The following KANK1 variants were observed in gnomAD, a reference collection of about 807,000 sequenced individuals.
KANK1 encodes KN motif and ankyrin repeat domain-containing protein 1.
KANK1 carries 109 observed loss-of-function variants against 106.2 expected under a neutral mutation model. The ratio of observed to expected loss-of-function variants is 1.03; its 90% CI spans 0.88 to 1.20. The LOEUF is 1.20. KANK1 is among the 50% of genes most tolerant of loss of function. The pLI is 0.00. For synonymous variants in KANK1, 873 were observed against 652.2 expected (o/e 1.34, Z -5.16); for missense variants, 2,399 against 1,710.7 (o/e 1.40, Z -7.10).
In KANK1 at chr9:686,751, C is replaced by G. The variant is rs73642804; in HGVS notation, c.37+9742C>G. Reference sequence around the variant, plus strand: ...AATGATTGTTACCTATGAGCCTATCCGGTAAGGGATCTGAGTGGGCCCAAG... The same window carrying G: ...AATGATTGTTACCTATGAGCCTATCGGGTAAGGGATCTGAGTGGGCCCAAG... On this transcript the variant is annotated intron_variant, in intron 2 of 11. Transcript: ENST00000382297. 2.2e-3 allele frequency: 2,122 copies of G among 985,194 alleles called. 29 individuals carry two copies. The African/African-American group carries it at 0.032, about 15-fold the overall frequency. 61.0% of individuals were successfully genotyped at this position (985,194 alleles called of 1,614,324 possible). A position where few individuals can be genotyped will look rare whatever the true frequency, so the allele number is the denominator to read the frequency against.
At chr9:594,588 A>G (rs982972121) in intron 1 of KANK1, among the ~76,000 whole-genome samples, 5 of 151,900 alleles carry the variant, frequency 3.3e-5, no homozygotes, top group South Asian at 4.1e-4. Context: ...TAAATAGTTA[A>G]TAAGTGTGAG....
At chr9:693,785 G>C in intron 2 of KANK1, 1 of 985,358 alleles carries the variant, frequency 1.0e-6, no homozygotes, top group Non-Finnish European at 1.2e-6. Context: ...GTTTCTGGGT[G>C]GGTAAGTAAG....
At chr9:687,119 T>C (rs1322448444) in intron 2 of KANK1, among the ~76,000 whole-genome samples, 1 of 152,154 alleles carries the variant, frequency 6.6e-6, no homozygotes, top group Non-Finnish European at 1.5e-5. Flanking sequence ...ATAGAAATAC[T>C]TCAATTCAGT....
intron 3 of KANK1, among the ~76,000 whole-genome samples, chr9:499,171 CTG>C (rs764926176): frequency 7.4e-5 from 11 of 148,390 alleles, no homozygotes; most frequent in African/African-American, 2.5e-4. Context: ...GAGCAAGACT[CTG>C]TCTCAAAAAA....
intron 3 of KANK1, among the ~76,000 whole-genome samples, chr9:722,395 T>C (rs1829579654): frequency 6.6e-6 from 1 of 152,218 alleles, no homozygotes; most frequent in African/African-American, 2.4e-5. Context: ...CAGATCATTG[T>C]ATCTACATTT....
chr9:530,659 T>G (rs1302958351), intron 1 of KANK1, among the ~76,000 whole-genome samples: 1 of 152,344 alleles, frequency 6.6e-6, no homozygotes, highest in Admixed American at 6.5e-5. Context: ...TATTTTATTG[T>G]TGATGTTAAT....
At chr9:487,227 GGTGTGAAA>G (rs1436146677) in intron 3 of KANK1, among the ~76,000 whole-genome samples, 2 of 152,086 alleles carry the variant, frequency 1.3e-5, no homozygotes, top group African/African-American at 4.8e-5. Context: ...AATTTATGAT[GGTGTGAAA>G]GCCATACGTG....
rs770222954 is a variant in KANK1, at chr9:744,599, G to A, written c.3996+10G>A. ...AAAAGCCCAGTCTCCGGTCAGTGTT[G>A]TGCATTTGGCATTTGTAAATAGGCT... is the stretch of plus-strand genomic sequence containing the variant. On this transcript the variant is annotated intron_variant, in intron 11 of 11. Transcript: ENST00000382297. The A allele has an allele frequency of 3.7e-6, 6 of 1,613,996 alleles. No homozygotes were observed. The highest frequency in any genetic ancestry group is 1.3e-5 in the African/African-American group (1 of 74,902).
At chr9:629,315 C>G (rs1835111455) in intron 1 of KANK1, among the ~76,000 whole-genome samples, 2 of 152,092 alleles carry the variant, frequency 1.3e-5, no homozygotes, top group African/African-American at 4.8e-5. Context: ...CCTGCTAAGA[C>G]AAAAACCAGA....
At chr9:554,413 A>G (rs560992356) in intron 1 of KANK1, among the ~76,000 whole-genome samples, 5 of 152,304 alleles carry the variant, frequency 3.3e-5, no homozygotes, top group African/African-American at 9.6e-5. Context: ...GATGACACCC[A>G]TCCACACTGA....
At chr9:502,322 T>G (rs999105241), upstream of KANK1, among the ~76,000 whole-genome samples, 13 of 152,194 alleles carry the variant, frequency 8.5e-5, no homozygotes, top group Non-Finnish European at 1.5e-4. Context: ...GGGAGTAAAT[T>G]GTATGGCATG....
rs746320921 is a variant in KANK1, at chr9:711,706, A to G, written c.940A>G (p.Ile314Val). The change falls in exon 3 of 12, where the codon ATC becomes GTC. Residue 314 changes from isoleucine (I) to valine (V), a missense_variant. Transcript: ENST00000382297. ...QLKNQRAASQ[I>V]NVCGVRKRSY... ...GAAAAACCAAAGGGCTGCATCCCAGATCAATGTCTGTGGTGTGAGGAAGCG... is the reference window on the plus strand; with the variant it reads ...GAAAAACCAAAGGGCTGCATCCCAGGTCAATGTCTGTGGTGTGAGGAAGCG... The G allele has an allele frequency of 2.0e-5, 32 of 1,614,084 alleles. No homozygotes were observed. Among genetic ancestry groups the G allele is most frequent in the Non-Finnish European group, 2.7e-5 (32 of 1,180,036 alleles).
At chr9:655,109 C>G (rs758481264) in intron 1 of KANK1, among the ~76,000 whole-genome samples, 1 of 152,132 alleles carries the variant, frequency 6.6e-6, no homozygotes, top group Non-Finnish European at 1.5e-5. Context: ...GTAGCTCACG[C>G]CTGTAACCCC....
rs1315073008 is a variant in KANK1 at position 514,069 on chromosome 9, GTCC to G, written c.-84+9324_-84+9326del. Among the ~76,000 whole-genome samples, 67 of 150,044 alleles carry G rather than the reference GTCC, an allele frequency of 4.5e-4. 2 individuals carry two copies. Among genetic ancestry groups the G allele is most frequent in the African/African-American group, 1.4e-3 (57 of 40,202 alleles). Reference sequence around the variant, plus strand: ...ACTGTATTCACCTTTTCTCTTTTCTGTCCTCCTCCTCTCCTTCCCTCCTTCTCT... The same window carrying G: ...ACTGTATTCACCTTTTCTCTTTTCTGTCCTCCTCTCCTTCCCTCCTTCTCT... On this transcript the variant is annotated intron_variant, in intron 1 of 11. Coordinates refer to ENST00000382297, the MANE Select transcript of KANK1 (RefSeq NM_015158.5).
Position 745,428 on chromosome 9 carries a change from C to T in KANK1, c.*193C>T, listed in dbSNP as rs2132437125. ...CTGGGCACACACACCTCCTTTCTGGCCGTCTTCTGTGTAGGGCACACTTTA... is the reference window on the plus strand; with the variant it reads ...CTGGGCACACACACCTCCTTTCTGGTCGTCTTCTGTGTAGGGCACACTTTA... On this transcript the variant is annotated 3_prime_UTR_variant, in exon 12 of 12. Transcript: ENST00000382297. 2 of 588,992 alleles carry T rather than the reference C, an allele frequency of 3.4e-6. No homozygotes were observed. Among genetic ancestry groups the T allele is most frequent in the Non-Finnish European group, 3.0e-6 (1 of 335,638 alleles). The allele number at this position is 588,992 out of a possible 1,614,324, so 36.5% of individuals were successfully genotyped here. A position where few individuals can be genotyped will look rare whatever the true frequency, so the allele number is the denominator to read the frequency against.
intron 3 of KANK1, among the ~76,000 whole-genome samples, chr9:724,838 C>G (rs929693835): frequency 6.6e-6 from 1 of 152,034 alleles, no homozygotes; most frequent in African/African-American, 2.4e-5. Flanking sequence ...CAGTGATTAA[C>G]TAGTGAGACT....
At chr9:608,810 C>T (rs1829918421) in intron 1 of KANK1, among the ~76,000 whole-genome samples, 1 of 152,112 alleles carries the variant, frequency 6.6e-6, no homozygotes, top group Non-Finnish European at 1.5e-5. Flanking sequence ...GTTGATGGTC[C>T]AGAGTGTTTC....
At chr9:628,682 C>T (rs921873828) in intron 1 of KANK1, among the ~76,000 whole-genome samples, 2 of 152,124 alleles carry the variant, frequency 1.3e-5, no homozygotes, top group Non-Finnish European at 2.9e-5. Flanking sequence ...GCCCAGTTCC[C>T]AGGTTGAAAC....
chr9:589,489 T>C (rs1173432094), intron 1 of KANK1, among the ~76,000 whole-genome samples: 1 of 151,640 alleles, frequency 6.6e-6, no homozygotes, highest in African/African-American at 2.4e-5. Flanking sequence ...TTAGATATAC[T>C]AAAAGAGAGG....
Sources: gnomAD v4.1 joint callset for allele counts (sites outside exome capture counted in the v4.1 genomes callset) on GRCh38, gnomAD v4.1.1 for gene constraint, MANE v1.5 for transcripts, NCBI Gene and HGNC (gene_info 2026-07-23, HGNC 2026-07-21) for gene names.